The following FAM163A variants were observed in gnomAD, a reference collection of about 807,000 sequenced individuals.
The protein encoded by FAM163A is family with sequence similarity 163 member A.
FAM163A carries 7 observed loss-of-function variants against 12.0 expected under a neutral mutation model. The observed-to-expected ratio is 0.58, with a 90% CI of 0.33 to 1.10. The LOEUF (loss-of-function observed/expected upper bound fraction) is 1.10. FAM163A is among the 50% of genes least tolerant of loss of function. The probability of loss-of-function intolerance (pLI) is 0.03; values close to 1 mark genes in which losing one functional copy is unlikely to be tolerated. For synonymous variants in FAM163A, 101 were observed against 91.0 expected (o/e 1.11, Z -0.62); for missense variants, 202 against 218.6 (o/e 0.92, Z 0.48).
intron 1 of FAM163A, among the ~76,000 whole-genome samples, chr1:179,763,616 G>C (rs922812807): frequency 6.6e-6 from 1 of 152,150 alleles, no homozygotes; most frequent in African/African-American, 2.4e-5. Context: ...GTCTAATAAG[G>C]TTAATCAGGA....
Position 179,815,787 on chromosome 1 carries a change from G to C in FAM163A, c.*1598G>C, listed in dbSNP as rs1468913524. On this transcript the variant is annotated 3_prime_UTR_variant, in exon 5 of 5. Coordinates refer to ENST00000341785, the MANE Select transcript of FAM163A (RefSeq NM_173509.3). ...TTGATTCTGCATTTGAGGAAGGTCA[G>C]GGTGCCGCTGGGGGAGCAGGGAGCG... 1 of 152,296 alleles carries C rather than the reference G, an allele frequency of 6.6e-6. No individual in the cohort carries two copies. The highest frequency in any genetic ancestry group is 1.5e-5 in the Non-Finnish European group (1 of 68,070). The allele number at this position is 152,296 out of a possible 1,614,324, so 9.4% of individuals were successfully genotyped here.
At chr1:179,778,165 A>G (rs1689236244) in intron 1 of FAM163A, among the ~76,000 whole-genome samples, 1 of 152,228 alleles carries the variant, frequency 6.6e-6, no homozygotes, top group Non-Finnish European at 1.5e-5. Context: ...TCATTTTCCC[A>G]TCTTAACAGT....
intron 1 of FAM163A, among the ~76,000 whole-genome samples, chr1:179,751,599 G>A (rs1685279858): frequency 6.6e-6 from 1 of 152,114 alleles, no homozygotes; most frequent in African/African-American, 2.4e-5. Context: ...GGTTTGCTGT[G>A]AAAGTCAGGG....
chr1:179,792,875 A>C (rs1344600214), intron 1 of FAM163A, among the ~76,000 whole-genome samples: 1 of 137,794 alleles, frequency 7.3e-6, no homozygotes, highest in Non-Finnish European at 1.5e-5. Context: ...GAGACAGATA[A>C]TAAAATATAT....
At chr1:179,781,933 CAAAAAAAAA>C (rs58962319) in intron 1 of FAM163A, among the ~76,000 whole-genome samples, 14,826 of 119,352 alleles carry the variant, frequency 0.12, 1,117 homozygotes, top group African/African-American at 0.23. Flanking sequence ...GAATCCGTAT[CAAAAAAAAA>C]AAAAAAAAAA....
At chr1:179,758,799 A>C (rs1686397577) in intron 1 of FAM163A, among the ~76,000 whole-genome samples, 2 of 152,178 alleles carry the variant, frequency 1.3e-5, no homozygotes, top group South Asian at 4.1e-4. Flanking sequence ...GGGCTGCCTC[A>C]GCCCCTTCCT....
chr1:179,807,009 G>A (rs1694030672), intron 1 of FAM163A, among the ~76,000 whole-genome samples: 1 of 152,028 alleles, frequency 6.6e-6, no homozygotes, highest in South Asian at 2.1e-4. Flanking sequence ...GGCTGAGGCG[G>A]GAGAATAGCT....
At chr1:179,734,886 G>A in the FAM163A span, among the ~76,000 whole-genome samples, 1 of 152,222 alleles carries the variant, frequency 6.6e-6, no homozygotes, top group Non-Finnish European at 1.5e-5. Context: ...CATTAGGTAA[G>A]AGAGGAAGAG....
At chr1:179,812,010 A>G (rs2148375409) in intron 2 of FAM163A, 100 bp from the exon 3 acceptor site, 1 of 152,728 alleles carries the variant, frequency 6.5e-6, no homozygotes, top group South Asian at 2.1e-4. Flanking sequence ...CAGCGAAGAA[A>G]GCAAAATGAG....
At chr1:179,797,361 T>C (rs778490983) in intron 1 of FAM163A, among the ~76,000 whole-genome samples, 2 of 151,984 alleles carry the variant, frequency 1.3e-5, no homozygotes, top group Non-Finnish European at 2.9e-5. Flanking sequence ...GGCAGGAGAA[T>C]CGCTTGAACC....
intron 1 of FAM163A, among the ~76,000 whole-genome samples, chr1:179,792,223 A>C (rs1691603586): frequency 6.6e-6 from 1 of 151,926 alleles, no homozygotes; most frequent in African/African-American, 2.4e-5. Context: ...GGGCTCAAGC[A>C]ATCCTCCTGC....
At chr1:179,732,880 CAAA>C in the FAM163A span, among the ~76,000 whole-genome samples, 3 of 39,146 alleles carry the variant, frequency 7.7e-5, no homozygotes, top group African/African-American at 2.0e-4. Flanking sequence ...GACTCTGCCT[CAAA>C]AAAAAAAAAA....
chr1:179,814,305 C>T lies in FAM163A; in HGVS notation c.*116C>T. On this transcript the variant is annotated 3_prime_UTR_variant, in exon 5 of 5. Coordinates refer to ENST00000341785, the MANE Select transcript of FAM163A (RefSeq NM_173509.3). The stretch of plus-strand genomic sequence containing the variant: ...GGTTGTTTCTGTTTCTTTGGCTTTT[C>T]TCGCTCCGCAGTGGAGGGTTTACTA... 1 of 1,361,678 alleles carries T rather than the reference C, an allele frequency of 7.3e-7. No homozygotes were observed. Among genetic ancestry groups the T allele is most frequent in the South Asian group, 1.4e-5 (1 of 70,358 alleles). 84.3% of individuals were successfully genotyped at this position (1,361,678 alleles called of 1,614,324 possible). A position where few individuals can be genotyped will look rare whatever the true frequency, so the allele number is the denominator to read the frequency against.
intron 1 of FAM163A, among the ~76,000 whole-genome samples, chr1:179,752,614 G>A (rs1685447539): frequency 6.6e-6 from 1 of 151,902 alleles, no homozygotes. Flanking sequence ...CAAAACACAA[G>A]CCATTTTTAA....
intron 1 of FAM163A, among the ~76,000 whole-genome samples, chr1:179,751,250 G>A (rs112891235): frequency 0.019 from 2,873 of 152,046 alleles, 77 homozygotes; most frequent in African/African-American, 0.063. Context: ...GGTGGGCTTC[G>A]AAGAGAAGGC....
At chr1:179,781,795 A>G (rs963292779) in intron 1 of FAM163A, among the ~76,000 whole-genome samples, 3 of 151,988 alleles carry the variant, frequency 2.0e-5, no homozygotes, top group Admixed American at 6.6e-5. Flanking sequence ...TTAGCTGGGC[A>G]TGGTGGCGGG....
the FAM163A span, among the ~76,000 whole-genome samples, chr1:179,731,820 T>G: frequency 1.1e-4 from 16 of 152,340 alleles, no homozygotes; most frequent in African/African-American, 3.6e-4. Flanking sequence ...ATTACATCAT[T>G]GTAAAAGGCA....
rs150383771 is a variant in FAM163A, at chr1:179,798,477, T to C, written c.-135-9321T>C. 9.7e-3 allele frequency among the ~76,000 whole-genome samples: 1,472 copies of C among 152,344 alleles called. 26 individuals carry two copies. The highest frequency in any genetic ancestry group is 0.034 in the African/African-American group (1,394 of 41,582). On this transcript the variant is annotated intron_variant, in intron 1 of 4. Transcript: ENST00000341785. ...CAGTGCAGCCCTGCCACCACGCGCA[T>C]ACTCAGCAGGCCTACTGCCGCTTTC...
chr1:179,770,340 G>C (rs1203691358), intron 1 of FAM163A, among the ~76,000 whole-genome samples: 1 of 151,970 alleles, frequency 6.6e-6, no homozygotes, highest in East Asian at 1.9e-4. Context: ...CTCTTACCTG[G>C]GTTATTGCAA....
Sources: allele counts gnomAD v4.1 joint callset (sites outside exome capture counted in the v4.1 genomes callset), GRCh38; gene constraint gnomAD v4.1.1; transcripts MANE v1.5; gene names NCBI Gene and HGNC (gene_info 2026-07-23, HGNC 2026-07-21).